Variants in PML observed in about 807,000 individuals in gnomAD.
The protein encoded by PML is PML nuclear body scaffold, also known as protein PML.
Under a neutral mutation model 65.2 loss-of-function variants are expected in PML, and 28 were observed. That is an observed-to-expected ratio of 0.43 (90% CI 0.32 to 0.59). PML has a LOEUF of 0.59. PML is among the 20% of genes least tolerant of loss of function. The pLI, the probability that PML is intolerant of heterozygous loss-of-function variation, is 0.08. For missense variants in PML, 1,021 were observed against 1,203.4 expected, an observed-to-expected ratio of 0.85 and a Z score of 2.24; for synonymous variants, 500 against 508.8, an observed-to-expected ratio of 0.98 and a Z score of 0.23.
rs749615160 is a variant in PML at position 74,044,865 on chromosome 15, C to T, written c.2506C>T (p.Pro836Ser). ...AAGCCTGCAGACCACCACGTTGCCC[C>T]CTGCCCAGCCTGCTTTCAACCTGCA... ...YLSLQTTTLP[P>S]AQPAFNLQAL... The change falls in exon 9 of 9, where the codon CCT becomes TCT. Residue 836 changes from proline to serine, a missense_variant. Pro to Ser is a moderately conservative substitution (Grantham distance 74). Transcript: ENST00000268058. 6.8e-6 allele frequency: 11 copies of T among 1,613,434 alleles called. No homozygotes were observed. Among genetic ancestry groups the T allele is most frequent in the Non-Finnish European group, 8.5e-6 (10 of 1,180,040 alleles).
chr15:74,033,274 C>G lies in PML; in HGVS notation c.1517C>G (p.Pro506Arg). 6.2e-7 allele frequency: 1 copy of G among 1,614,226 alleles called. No individual in the cohort carries two copies. The highest frequency in any genetic ancestry group is 1.7e-5 in the Admixed American group (1 of 60,030). The change falls in exon 6 of 9, where the codon CCG becomes CGG. Residue 506 changes from proline (P) to arginine (R), a missense_variant. Physicochemically the swap from Pro to Arg is moderately radical, Grantham distance 103 (BLOSUM62 -2). Coordinates refer to ENST00000268058, the MANE Select transcript of PML (RefSeq NM_033238.3). ...GAGGCAAGGTTGGCTCGGAGCTCCC[C>G]GGAGCAGCCCAGGCCCAGCACCTCC... Reference protein sequence around the residue: ...GKEARLARSSPEQPRPSTSKA... With the variant: ...GKEARLARSSREQPRPSTSKA...
Position 74,037,496 on chromosome 15 carries a change from GA to G in PML, c.1710+2970del. 1 of 985,246 alleles carries G rather than the reference GA, an allele frequency of 1.0e-6. No individual in the cohort carries two copies. Among genetic ancestry groups the G allele is most frequent in the Non-Finnish European group, 1.2e-6 (1 of 829,904 alleles). 61.0% of individuals were successfully genotyped at this position (985,246 alleles called of 1,614,324 possible). ...CCTGAATGAGGTCTTTCTCATCTCA[GA>G]AAACTCCACCCACTTCTCTCTCCAG... On this transcript the variant is annotated intron_variant, in intron 7 of 8. Transcript: ENST00000268058. This position sits in a 1 kb window ranked among gnomAD's most constrained non-coding sequence, Gnocchi z 4.2.
chr15:74,034,365 C>A (rs920435185), intron 6 of PML, 113 bp from the exon 7 acceptor site: 1 of 1,362,444 alleles, frequency 7.3e-7, no homozygotes, highest in African/African-American at 1.4e-5. Flanking sequence ...CCCTGCAGGG[C>A]ATCCGTTTCC....
At position 73,998,311 on chromosome 15, in the gene PML, T is replaced by A. The variant is rs1437769332; in HGVS notation, c.437T>A (p.Leu146His). 4 of 1,613,998 alleles carry A rather than the reference T, an allele frequency of 2.5e-6. No homozygotes were observed. In the South Asian group the frequency reaches 3.3e-5, roughly 13 times the overall value. ...TTCTGGTGCTTTGAGTGCGAGCAGC[T>A]CCTCTGCGCCAAGTGCTTCGAGGCA... is the stretch of plus-strand genomic sequence containing the variant. ...ADFWCFECEQLLCAKCFEAHQ... is the reference protein window; with the variant it reads ...ADFWCFECEQHLCAKCFEAHQ... The change falls in exon 2 of 9, where the codon CTC (leucine) becomes CAC (histidine). Residue 146 changes from leucine (L) to histidine (H), a missense_variant. Transcript: ENST00000268058.
Position 73,994,869 on chromosome 15 carries a change from G to A in PML, c.57G>A (p.Gln19=). Residue 19 remains glutamine, a synonymous_variant, in exon 1 of 9, where the codon CAG becomes CAA. Coordinates refer to ENST00000268058, the MANE Select transcript of PML (RefSeq NM_033238.3). ...CCCAGCAGGACCCCGCCCGGCCCCA[G>A]GAGCCCACCATGCCTCCCCCCGAGA... ...PRPQQDPARP[Q]EPTMPPPETP... The A allele has an allele frequency of 1.3e-6, 2 of 1,551,232 alleles. No individual in the cohort carries two copies. Among genetic ancestry groups the A allele is most frequent in the African/African-American group, 1.4e-5 (1 of 73,368 alleles).
intron 2 of PML, among the ~76,000 whole-genome samples, chr15:74,019,633 C>T (rs2070747006): frequency 6.6e-6 from 1 of 152,182 alleles, no homozygotes; most frequent in Non-Finnish European, 1.5e-5. Flanking sequence ...TTTCCCCATT[C>T]TTACACAAAA....
intron 7 of PML, among the ~76,000 whole-genome samples, chr15:74,039,382 A>G (rs2071647342): frequency 1.3e-5 from 2 of 152,222 alleles, no homozygotes; most frequent in South Asian, 4.1e-4. Context: ...GTGTCTGCAG[A>G]AAGATAGCAA....
chr15:74,025,702 TC>T (rs963233697), intron 4 of PML: 3 of 152,320 alleles, frequency 2.0e-5, no homozygotes, highest in Non-Finnish European at 2.9e-5. Context: ...AAAGTGCTTT[TC>T]CGAGTGGAAA....
At chr15:74,001,359 T>C (rs903767480) in intron 2 of PML, among the ~76,000 whole-genome samples, 1 of 152,052 alleles carries the variant, frequency 6.6e-6, no homozygotes, top group Non-Finnish European at 1.5e-5. Context: ...ACTTTTTTTT[T>C]TTTGAGAATC....
chr15:74,004,337 T>C (rs1221234070), intron 2 of PML, among the ~76,000 whole-genome samples: 2 of 152,216 alleles, frequency 1.3e-5, no homozygotes, highest in Non-Finnish European at 2.9e-5. Context: ...GTTCTTGCTC[T>C]GTTGCCCAGG....
chr15:74,020,111 A>G (rs2070767438), intron 2 of PML, among the ~76,000 whole-genome samples: 1 of 152,118 alleles, frequency 6.6e-6, no homozygotes, highest in African/African-American at 2.4e-5. Context: ...CCTTCTGTAG[A>G]GTTATTAGTT....
chr15:74,022,812 C>A lies in PML; in HGVS notation c.603-16C>A, dbSNP rs1488438459. On this transcript the variant is annotated splice_polypyrimidine_tract_variant and intron_variant, in intron 2 of 8. Transcript: ENST00000268058. ...TCAGGAGAGTCCTAACCCAGGCCAA[C>A]CTTGTGTGTCCACAGCATCTACTGC... 3.1e-6 allele frequency: 5 copies of A among 1,612,052 alleles called. No homozygotes were observed. Among genetic ancestry groups the A allele is most frequent in the Non-Finnish European group, 4.2e-6 (5 of 1,178,546 alleles).
In PML at chr15:74,044,577, G is replaced by C. The variant is rs745678082; in HGVS notation, c.2218G>C (p.Glu740Gln). Residue 740 changes from glutamate to glutamine, a missense_variant, in exon 9 of 9, where the codon GAG becomes CAG. Transcript: ENST00000268058. ...GACCTACCTGGCGAGAAACATGAGCGAGCGCAGCGCCATGGCTGCCGTGCT... is the reference window on the plus strand; with the variant it reads ...GACCTACCTGGCGAGAAACATGAGCCAGCGCAGCGCCATGGCTGCCGTGCT... Reference protein sequence around the residue: ...AQTYLARNMSERSAMAAVLAM... With the variant: ...AQTYLARNMSQRSAMAAVLAM... 6.2e-7 allele frequency: 1 copy of C among 1,610,956 alleles called. No individual in the cohort carries two copies.
chr15:74,033,427 G>A lies in PML; in HGVS notation c.1657+13G>A. The A allele has an allele frequency of 6.2e-7, 1 of 1,612,294 alleles. No homozygotes were observed. The highest frequency in any genetic ancestry group is 8.5e-7 in the Non-Finnish European group (1 of 1,179,616). On this transcript the variant is annotated intron_variant, in intron 6 of 8. Transcript: ENST00000268058. ...GCCGGGGAGGCAGGTAGGGAGGTGG[G>A]TAGGGCAGTGGCCTGGGTGCTGCCC... is the stretch of plus-strand genomic sequence containing the variant.
In PML at chr15:74,035,625, C is replaced by G. The variant is rs754956837; in HGVS notation, c.1710+1095C>G. Reference sequence around the variant, plus strand: ...CCAGCTGCAAAGGGGCATCAGCCCACCCCACCGGATACGAGGGGCTGTGCG... The same window carrying G: ...CCAGCTGCAAAGGGGCATCAGCCCAGCCCACCGGATACGAGGGGCTGTGCG... On this transcript the variant is annotated intron_variant, in intron 7 of 8. Transcript: ENST00000268058. This position sits in a 1 kb window ranked among gnomAD's most constrained non-coding sequence, Gnocchi z 4.1. 9 of 1,613,580 alleles carry G rather than the reference C, an allele frequency of 5.6e-6. No individual in the cohort carries two copies. The highest frequency in any genetic ancestry group is 7.6e-6 in the Non-Finnish European group (9 of 1,180,052).
chr15:74,010,658 G>T (rs997181102), intron 2 of PML, among the ~76,000 whole-genome samples: 12 of 152,178 alleles, frequency 7.9e-5, no homozygotes, highest in African/African-American at 2.9e-4. Context: ...TTTCATGACT[G>T]GTGTTATGAT....
intron 2 of PML, among the ~76,000 whole-genome samples, chr15:74,009,873 A>G (rs1195778081): frequency 6.6e-6 from 1 of 152,190 alleles, no homozygotes; most frequent in African/African-American, 2.4e-5. Flanking sequence ...AATTTAAAGC[A>G]GCGCAAGCCA....
intron 2 of PML, among the ~76,000 whole-genome samples, chr15:74,020,273 G>A (rs962900187): frequency 2.0e-5 from 3 of 150,742 alleles, no homozygotes; most frequent in African/African-American, 7.3e-5. Context: ...GGCCTCAGGT[G>A]GGCTGACTTA....
At chr15:74,044,075 A>G in intron 8 of PML, 146 bp from the exon 9 acceptor site, 1 of 747,456 alleles carries the variant, frequency 1.3e-6, no homozygotes, top group Non-Finnish European at 2.3e-6. Flanking sequence ...TCAGAGCTGC[A>G]TTTGGGGGCT....
Sources: allele counts gnomAD v4.1 joint callset (sites outside exome capture counted in the v4.1 genomes callset), GRCh38; gene constraint gnomAD v4.1.1; non-coding constraint Gnocchi (gnomAD v3.1); transcripts MANE v1.5; gene names NCBI Gene and HGNC (gene_info 2026-07-23, HGNC 2026-07-21).